DCC: variants seen among roughly 807,000 people sequenced by gnomAD.
DCC encodes netrin receptor DCC.
In DCC, 58 loss-of-function variants were observed where a neutral mutation model predicts 172.5. The ratio of observed to expected loss-of-function variants is 0.34; its 90% confidence interval spans 0.27 to 0.42. The LOEUF (loss-of-function observed/expected upper bound fraction) is 0.42. DCC is among the 10% of genes least tolerant of loss of function. The probability of loss-of-function intolerance (pLI) is 1.00; values close to 1 mark genes in which losing one functional copy is unlikely to be tolerated. For missense variants in DCC, 1,740 were observed against 1,791.0 expected (o/e 0.97, Z 0.51); for synonymous variants, 709 against 644.5 (o/e 1.10, Z -1.52).
chr18:52,863,510 T>C (rs999422429), intron 2 of DCC, among the ~76,000 whole-genome samples: 2 of 151,774 alleles, frequency 1.3e-5, no homozygotes, highest in African/African-American at 2.4e-5. Context: ...GCCAAAAGCA[T>C]ATGAGCTTAA....
chr18:53,395,258 T>C (rs543588276), intron 17 of DCC, among the ~76,000 whole-genome samples: 4 of 152,268 alleles, frequency 2.6e-5, no homozygotes, highest in Non-Finnish European at 4.4e-5. Context: ...TTTTTTAAGA[T>C]AAGCTGTAGC....
intron 9 of DCC, among the ~76,000 whole-genome samples, chr18:53,190,211 C>T (rs190103768): frequency 6.6e-6 from 1 of 152,260 alleles, no homozygotes; most frequent in Admixed American, 6.5e-5. Flanking sequence ...CAGGCATGAG[C>T]CGACATGTCT....
At chr18:53,069,475 T>TAG (rs968341631) in intron 7 of DCC, among the ~76,000 whole-genome samples, 17 of 152,170 alleles carry the variant, frequency 1.1e-4, no homozygotes, top group African/African-American at 4.1e-4. Flanking sequence ...ACCAAGACAC[T>TAG]AGAGTGATGG....
chr18:53,335,751 C>T (rs1362639793), intron 14 of DCC, among the ~76,000 whole-genome samples: 1 of 152,054 alleles, frequency 6.6e-6, no homozygotes, highest in African/African-American at 2.4e-5. Context: ...TAAAGACATA[C>T]CCGAGACAGG....
intron 25 of DCC, among the ~76,000 whole-genome samples, chr18:53,474,132 A>T (rs2045732780): frequency 6.6e-6 from 1 of 152,198 alleles, no homozygotes; most frequent in African/African-American, 2.4e-5. Context: ...TCCTAGATAT[A>T]TTCTACTCTT....
chr18:52,729,539 C>T (rs1266770968), intron 1 of DCC, among the ~76,000 whole-genome samples: 2 of 152,298 alleles, frequency 1.3e-5, no homozygotes, highest in Middle Eastern at 3.4e-3. Context: ...GGATTACAGG[C>T]CTGAGCCACC....
chr18:52,463,805 A>C (rs950861869), intron 1 of DCC, among the ~76,000 whole-genome samples: 1 of 152,206 alleles, frequency 6.6e-6, no homozygotes, highest in Non-Finnish European at 1.5e-5. Context: ...GACCAGCTGG[A>C]AGATATTCAT....
intron 8 of DCC, among the ~76,000 whole-genome samples, chr18:53,163,879 A>G (rs1178333400): frequency 6.6e-6 from 1 of 152,230 alleles, no homozygotes; most frequent in East Asian, 1.9e-4. Context: ...CCACAGTTTT[A>G]TCATCAACAG....
intron 7 of DCC, among the ~76,000 whole-genome samples, chr18:53,098,702 GC>G: frequency 6.6e-6 from 1 of 152,090 alleles, no homozygotes; most frequent in African/African-American, 2.4e-5. Flanking sequence ...AAGTTACTTT[GC>G]CCCCCTTTAT....
In DCC at chr18:52,624,782, G is replaced by T. The variant is rs375774220; in HGVS notation, c.92-127272G>T. On this transcript the variant is annotated intron_variant, in intron 1 of 28. Coordinates refer to ENST00000442544, the MANE Select transcript of DCC (RefSeq NM_005215.4). ...CTGAGAGGCACAGGGGCATAGGCAG[G>T]CTTTTCCATCTCATTAAGGAGGCAA... 1.4e-4 allele frequency among the ~76,000 whole-genome samples: 21 copies of T among 152,290 alleles called. 1 individual carries two copies. The highest frequency in any genetic ancestry group is 4.6e-4 in the African/African-American group (19 of 41,578).
intron 12 of DCC, among the ~76,000 whole-genome samples, chr18:53,236,268 C>T (rs1200281240): frequency 6.6e-6 from 1 of 152,114 alleles, no homozygotes. Flanking sequence ...TTTAGCAAAT[C>T]TAATAGGTAT....
At chr18:52,817,026 G>A (rs916663078) in intron 2 of DCC, 8 of 151,970 alleles carry the variant, frequency 5.3e-5, no homozygotes, top group Admixed American at 4.6e-4. Flanking sequence ...TTAAAGCACA[G>A]TATTCGCTAA....
At chr18:53,527,718 C>T (rs564409084) in intron 28 of DCC, among the ~76,000 whole-genome samples, 2 of 151,726 alleles carry the variant, frequency 1.3e-5, no homozygotes, top group South Asian at 4.2e-4. Context: ...ACATTTATCC[C>T]GAAAATGCAC....
intron 2 of DCC, among the ~76,000 whole-genome samples, chr18:52,774,031 G>A (rs775689477): frequency 9.2e-5 from 14 of 152,232 alleles, no homozygotes; most frequent in Middle Eastern, 3.4e-3. Context: ...GTGGGGCCTG[G>A]CAAACCACTC....
chr18:52,722,249 C>G (rs1441984202), intron 1 of DCC, among the ~76,000 whole-genome samples: 2 of 152,108 alleles, frequency 1.3e-5, no homozygotes, highest in South Asian at 4.1e-4. Context: ...GAATTGTGCT[C>G]TATATCTCTA....
chr18:52,460,856 G>A (rs1010058889), intron 1 of DCC, among the ~76,000 whole-genome samples: 5 of 152,162 alleles, frequency 3.3e-5, no homozygotes, highest in Non-Finnish European at 7.3e-5. Context: ...ATTGCTCTGG[G>A]TGAGTCAGTG....
At chr18:52,973,119 A>G (rs112570758) in intron 5 of DCC, among the ~76,000 whole-genome samples, 1 of 152,310 alleles carries the variant, frequency 6.6e-6, no homozygotes, top group African/African-American at 2.4e-5. Flanking sequence ...GAATGGATAA[A>G]TGAGTGATTG....
At chr18:52,342,282 T>TGC (rs1983679957) in intron 1 of DCC, among the ~76,000 whole-genome samples, 1 of 69,368 alleles carries the variant, frequency 1.4e-5, no homozygotes, top group African/African-American at 5.5e-5. Flanking sequence ...TGTGTGTGCG[T>TGC]GTGTGTGTGT....
chr18:52,889,632 T>A (rs753709146), intron 2 of DCC, among the ~76,000 whole-genome samples: 1 of 152,160 alleles, frequency 6.6e-6, no homozygotes, highest in Non-Finnish European at 1.5e-5. Flanking sequence ...TAGAGTGTAC[T>A]GTAAATCTTG....
Sources: gnomAD v4.1 joint callset for allele counts (sites outside exome capture counted in the v4.1 genomes callset) on GRCh38, gnomAD v4.1.1 for gene constraint, MANE v1.5 for transcripts, NCBI Gene and HGNC (gene_info 2026-07-23, HGNC 2026-07-21) for gene names.